The following LEPR variants were observed in gnomAD, a reference collection of about 807,000 sequenced individuals.
LEPR encodes the protein OB receptor.
A neutral mutation model predicts 114.7 loss-of-function variants in LEPR; 56 were observed. The ratio of observed to expected loss-of-function variants is 0.49; its 90% CI spans 0.39 to 0.61. LEPR has a LOEUF of 0.61. Among genes scored for constraint, LEPR ranks in the 20% least tolerant of loss-of-function variants. LEPR has a pLI of 0.00. For missense variants in LEPR, 1,202 were observed against 1,352.9 expected, an observed-to-expected ratio of 0.89 and a Z score of 1.75; for synonymous variants, 443 against 461.4, an observed-to-expected ratio of 0.96 and a Z score of 0.51.
chr1:65,423,984 A>C (rs1034618458), intron 1 of LEPR, among the ~76,000 whole-genome samples: 1 of 152,218 alleles, frequency 6.6e-6, no homozygotes, highest in Non-Finnish European at 1.5e-5. Flanking sequence ...CATAAGCTCA[A>C]TAAGGTGGCA....
rs1055500975 is a variant in LEPR at position 65,638,664 on chromosome 1, T to C, written c.*1649T>C. 5.9e-5 allele frequency: 9 copies of C among 152,190 alleles called. No homozygotes were observed. Among genetic ancestry groups the C allele is most frequent in the African/African-American group, 2.2e-4 (9 of 41,432 alleles). The allele number at this position is 152,190 out of a possible 1,614,324, so 9.4% of individuals were successfully genotyped here. ...ATTCCAGACCCCACTTGATAGATAT[T>C]TTTCACACTTTATAATCAATTTCCA... On this transcript the variant is annotated 3_prime_UTR_variant, in exon 20 of 20. Transcript: ENST00000349533.
In LEPR at chr1:65,636,423, G is replaced by A. The variant is rs371051914; in HGVS notation, c.2906G>A (p.Gly969Asp). The A allele has an allele frequency of 3.1e-6, 5 of 1,614,116 alleles. No individual in the cohort carries two copies. The highest frequency in any genetic ancestry group is 4.2e-6 in the Non-Finnish European group (5 of 1,179,994). ...FNSVNFSEAEGTEVTYEDESQ... is the reference protein window; with the variant it reads ...FNSVNFSEAEDTEVTYEDESQ... ...AGTGTTAACTTCTCTGAGGCTGAGGGTACTGAGGTAACCTATGAGGACGAA... is the reference window on the plus strand; with the variant it reads ...AGTGTTAACTTCTCTGAGGCTGAGGATACTGAGGTAACCTATGAGGACGAA... The change falls in exon 20 of 20, where the codon GGT becomes GAT. Residue 969 changes from glycine to aspartate, a missense_variant. By Grantham distance (94) the Gly-to-Asp change is moderately conservative. Coordinates refer to ENST00000349533, the MANE Select transcript of LEPR (RefSeq NM_002303.6).
At chr1:65,612,700 G>A (rs1376133677) in intron 14 of LEPR, among the ~76,000 whole-genome samples, 2 of 150,200 alleles carry the variant, frequency 1.3e-5, no homozygotes, top group Non-Finnish European at 2.9e-5. Context: ...TTATGAACTT[G>A]ACACAATTGA....
intron 19 of LEPR, chr1:65,634,127 T>C (rs1658626470): frequency 1.0e-6 from 1 of 985,180 alleles, no homozygotes. Context: ...GTTTTATGAA[T>C]TCAGCACACG....
At chr1:65,424,701 T>C (rs1646323512) in intron 1 of LEPR, among the ~76,000 whole-genome samples, 1 of 152,228 alleles carries the variant, frequency 6.6e-6, no homozygotes, top group South Asian at 2.1e-4. Context: ...AGATCTGGTG[T>C]CTGGTGAGAG....
At chr1:65,618,720 T>G (rs1657692244) in intron 16 of LEPR, among the ~76,000 whole-genome samples, 1 of 152,194 alleles carries the variant, frequency 6.6e-6, no homozygotes, top group African/African-American at 2.4e-5. Flanking sequence ...TCCTATCATA[T>G]CATATCAATT....
intron 2 of LEPR, among the ~76,000 whole-genome samples, chr1:65,426,022 G>A (rs1042533989): frequency 5.3e-5 from 8 of 152,192 alleles, no homozygotes; most frequent in Non-Finnish European, 5.9e-5. Flanking sequence ...TGGGGGAGAC[G>A]GACAGTAAAC....
intron 2 of LEPR, among the ~76,000 whole-genome samples, chr1:65,540,615 G>A (rs2100659382): frequency 6.6e-6 from 1 of 152,212 alleles, no homozygotes; most frequent in South Asian, 2.1e-4. Flanking sequence ...ATAGTCTACA[G>A]GACCATGAAC....
chr1:65,581,449 CTTT>C (rs35414686), intron 5 of LEPR, among the ~76,000 whole-genome samples: 44 of 145,956 alleles, frequency 3.0e-4, no homozygotes, highest in African/African-American at 8.3e-4. Flanking sequence ...GGTTGAAAGG[CTTT>C]TTTTTTTTTT....
intron 2 of LEPR, among the ~76,000 whole-genome samples, chr1:65,448,981 C>T (rs141042276): frequency 1.5e-3 from 227 of 152,330 alleles, no homozygotes; most frequent in African/African-American, 5.1e-3. Context: ...GCAACCTCCA[C>T]CTCCCAGGTT....
intron 5 of LEPR, among the ~76,000 whole-genome samples, chr1:65,574,428 C>T (rs1043954620): frequency 3.9e-5 from 6 of 152,106 alleles, no homozygotes; most frequent in African/African-American, 1.4e-4. Context: ...TTTGCTAGCT[C>T]ACCCCTGTGA....
chr1:65,459,161 C>T (rs1368100789), intron 2 of LEPR, among the ~76,000 whole-genome samples: 1 of 152,146 alleles, frequency 6.6e-6, no homozygotes, highest in Non-Finnish European at 1.5e-5. Context: ...GACAACAGGT[C>T]GTTGTCCACA....
intron 9 of LEPR, 42 bp from the exon 10 acceptor site, chr1:65,601,801 G>A (rs768450645): frequency 5.7e-6 from 9 of 1,582,730 alleles, no homozygotes; most frequent in Non-Finnish European, 6.9e-6. Context: ...GAATTTTTTG[G>A]AGTTTTTGCT....
intron 6 of LEPR, among the ~76,000 whole-genome samples, chr1:65,594,814 T>C (rs905419103): frequency 1.3e-5 from 2 of 151,254 alleles, no homozygotes; most frequent in African/African-American, 2.4e-5. Context: ...AGTAAAAGAG[T>C]ATGTTGTTGT....
intron 2 of LEPR, among the ~76,000 whole-genome samples, chr1:65,515,886 A>G (rs1649261147): frequency 6.6e-6 from 1 of 152,214 alleles, no homozygotes; most frequent in Non-Finnish European, 1.5e-5. Flanking sequence ...GCTAGCACTT[A>G]AGATAGTCAA....
intron 6 of LEPR, among the ~76,000 whole-genome samples, chr1:65,593,763 A>G (rs574504007): frequency 7.9e-5 from 12 of 152,242 alleles, no homozygotes; most frequent in Admixed American, 3.3e-4. Flanking sequence ...CTGTAGGGAT[A>G]TAGTTGTGAT....
chr1:65,522,969 G>A (rs1364198791), intron 2 of LEPR, among the ~76,000 whole-genome samples: 1 of 151,964 alleles, frequency 6.6e-6, no homozygotes, highest in African/African-American at 2.4e-5. Context: ...TAGCTGCTTG[G>A]TATTTACTCA....
chr1:65,635,554 T>G (rs1327302913), intron 19 of LEPR: 1 of 202,316 alleles, frequency 4.9e-6, no homozygotes, highest in East Asian at 1.8e-4. Flanking sequence ...TCTCTACATA[T>G]GATATTATTA....
At chr1:65,485,303 A>T (rs1647430465) in intron 2 of LEPR, among the ~76,000 whole-genome samples, 1 of 152,172 alleles carries the variant, frequency 6.6e-6, no homozygotes, top group African/African-American at 2.4e-5. Flanking sequence ...AATGCTTACC[A>T]TGGGCCAGGC....
Sources: allele counts gnomAD v4.1 joint callset (sites outside exome capture counted in the v4.1 genomes callset), GRCh38; gene constraint gnomAD v4.1.1; transcripts MANE v1.5; gene names NCBI Gene and HGNC (gene_info 2026-07-23, HGNC 2026-07-21).